Variants in MYO16 observed in about 807,000 individuals in gnomAD.
MYO16 encodes unconventional myosin-XVI.
A neutral mutation model predicts 205.3 loss-of-function variants in MYO16; 94 were observed. The ratio of observed to expected loss-of-function variants is 0.46; its 90% CI spans 0.39 to 0.54. The LOEUF is 0.54. Ranked by LOEUF, MYO16 falls within the 20% of genes least tolerant of loss-of-function variation. The probability of loss-of-function intolerance (pLI) is 0.00; values close to 1 mark genes in which losing one functional copy is unlikely to be tolerated. For synonymous variants in MYO16, 988 were observed against 954.0 expected, an observed-to-expected ratio of 1.04 and a Z score of -0.66; for missense variants, 2,315 against 2,387.5, an observed-to-expected ratio of 0.97 and a Z score of 0.63.
Position 108,681,281 on chromosome 13 carries a change from G to A in MYO16, c.292+15132G>A, listed in dbSNP as rs144839958. Among the ~76,000 whole-genome samples the A allele has an allele frequency of 4.9e-4, 74 of 152,170 alleles. No individual in the cohort carries two copies. The East Asian group carries it at 7.2e-3, about 15-fold the overall frequency. On this transcript the variant is annotated intron_variant, in intron 2 of 34. Transcript: ENST00000457511. ...TATAAACTGACCATGGGTCTTTCAC[G>A]TCTCCCTTCCAGACTCCACTAAGGA...
At chr13:109,008,242 C>T in intron 21 of MYO16, among the ~76,000 whole-genome samples, 1 of 152,186 alleles carries the variant, frequency 6.6e-6, no homozygotes, top group Middle Eastern at 3.2e-3. Context: ...TCAATACTTT[C>T]CCAATCTGAA....
At chr13:108,779,209 A>T (rs1318956008) in intron 4 of MYO16, among the ~76,000 whole-genome samples, 1 of 152,036 alleles carries the variant, frequency 6.6e-6, no homozygotes, top group African/African-American at 2.4e-5. Flanking sequence ...GGCTAACGAC[A>T]CCCCTCACCA....
At chr13:108,712,776 G>A in intron 3 of MYO16, 45 bp downstream of exon 3, 4 of 1,506,502 alleles carry the variant, frequency 2.7e-6, no homozygotes, top group Non-Finnish European at 3.6e-6. Flanking sequence ...GACACCCGGG[G>A]GAGAGTACAT....
At chr13:108,919,315 A>G (rs2139258741) in intron 16 of MYO16, among the ~76,000 whole-genome samples, 1 of 152,258 alleles carries the variant, frequency 6.6e-6, no homozygotes, top group Admixed American at 6.5e-5. Flanking sequence ...CTTCAATCTC[A>G]CCCTTTAATC....
chr13:109,113,632 C>G (rs550110800), intron 28 of MYO16, among the ~76,000 whole-genome samples: 27 of 152,228 alleles, frequency 1.8e-4, no homozygotes, highest in African/African-American at 6.5e-4. Context: ...GAACTTATGA[C>G]TAAATGGGGA....
intron 4 of MYO16, among the ~76,000 whole-genome samples, chr13:108,738,156 G>A (rs1410012838): frequency 1.4e-5 from 2 of 145,288 alleles, no homozygotes; most frequent in African/African-American, 5.2e-5. Context: ...TCTGATCTTA[G>A]TTATCTCTTG....
At chr13:109,045,123 G>A (rs1886999640) in intron 23 of MYO16, among the ~76,000 whole-genome samples, 1 of 152,190 alleles carries the variant, frequency 6.6e-6, no homozygotes, top group Admixed American at 6.5e-5. Context: ...TTGAAGATGT[G>A]TTGACTTCTC....
chr13:108,688,714 G>A (rs1217802021), intron 2 of MYO16, among the ~76,000 whole-genome samples: 1 of 152,106 alleles, frequency 6.6e-6, no homozygotes, highest in Non-Finnish European at 1.5e-5. Context: ...TTATGCAGGT[G>A]GGCATTTGAA....
chr13:108,682,953 A>G (rs1038370232), intron 2 of MYO16, among the ~76,000 whole-genome samples: 1 of 152,170 alleles, frequency 6.6e-6, no homozygotes, highest in Non-Finnish European at 1.5e-5. Context: ...AATGTAAGAT[A>G]GAGTCTTTTT....
chr13:109,054,620 G>C (rs1887354931), intron 25 of MYO16, among the ~76,000 whole-genome samples: 1 of 152,054 alleles, frequency 6.6e-6, no homozygotes, highest in African/African-American at 2.4e-5. Context: ...ATGAGTGCAG[G>C]ATGGTGATAG....
chr13:108,595,095 C>G (rs1878508524), upstream of MYO16, among the ~76,000 whole-genome samples: 1 of 152,172 alleles, frequency 6.6e-6, no homozygotes, highest in Non-Finnish European at 1.5e-5. Flanking sequence ...TTTTGACTCT[C>G]TGAACTCTAA....
the MYO16 span, among the ~76,000 whole-genome samples, chr13:108,517,781 T>C: frequency 6.6e-6 from 1 of 152,194 alleles, no homozygotes; most frequent in African/African-American, 2.4e-5. Context: ...TACCTTAGAC[T>C]TGCTAATTTA....
At chr13:108,978,118 A>G (rs1389607913) in intron 20 of MYO16, among the ~76,000 whole-genome samples, 1 of 151,998 alleles carries the variant, frequency 6.6e-6, no homozygotes. Flanking sequence ...TTATTGGAAT[A>G]CTGAACCTTG....
chr13:108,821,962 A>G (rs1416933461), intron 8 of MYO16, among the ~76,000 whole-genome samples: 1 of 152,166 alleles, frequency 6.6e-6, no homozygotes, highest in East Asian at 1.9e-4. Context: ...CACATGCAAA[A>G]CGCAAAGAGT....
intron 3 of MYO16, among the ~76,000 whole-genome samples, chr13:108,722,553 T>A (rs1486206228): frequency 6.6e-6 from 1 of 152,146 alleles, no homozygotes. Flanking sequence ...TGAAAGACAG[T>A]GAAAATCCAA....
At chr13:109,106,102 G>A (rs1249375669) in intron 28 of MYO16, among the ~76,000 whole-genome samples, 1 of 152,214 alleles carries the variant, frequency 6.6e-6, no homozygotes, top group Non-Finnish European at 1.5e-5. Context: ...AATGATTTGA[G>A]TAAGACCTGC....
intron 15 of MYO16, among the ~76,000 whole-genome samples, chr13:108,901,199 C>T (rs1050912491): frequency 1.3e-4 from 20 of 152,284 alleles, no homozygotes; most frequent in African/African-American, 4.6e-4. Context: ...TGTGATCTCG[C>T]CCTGCCTCCA....
intron 11 of MYO16, among the ~76,000 whole-genome samples, chr13:108,860,510 C>A (rs886794430): frequency 6.6e-6 from 1 of 152,138 alleles, no homozygotes; most frequent in South Asian, 2.1e-4. Flanking sequence ...ATTTATAATT[C>A]TTTGGGTATA....
intron 3 of MYO16, among the ~76,000 whole-genome samples, chr13:108,720,929 A>T (rs1238234087): frequency 6.6e-6 from 1 of 152,138 alleles, no homozygotes; most frequent in Non-Finnish European, 1.5e-5. Context: ...AGGGTCATTC[A>T]TGATATGTTC....
Sources: gnomAD v4.1 joint callset for allele counts (sites outside exome capture counted in the v4.1 genomes callset) on GRCh38, gnomAD v4.1.1 for gene constraint, MANE v1.5 for transcripts, NCBI Gene and HGNC (gene_info 2026-07-23, HGNC 2026-07-21) for gene names.